NFKBIB: variants seen among roughly 807,000 people sequenced by gnomAD.
NFKBIB encodes NFKB inhibitor beta, also known as NF-kappa-B inhibitor beta.
A neutral mutation model predicts 32.1 loss-of-function variants in NFKBIB; 16 were observed. The observed-to-expected ratio is 0.50, with a 90% CI of 0.34 to 0.76. The LOEUF is 0.76. NFKBIB is among the 30% of genes least tolerant of loss of function. The probability of loss-of-function intolerance (pLI) is 0.01; values close to 1 mark genes in which losing one functional copy is unlikely to be tolerated. For synonymous variants in NFKBIB, 222 were observed against 219.5 expected (o/e 1.01, Z -0.10); for missense variants, 437 against 514.9 (o/e 0.85, Z 1.46).
rs1568414990 is a variant in NFKBIB at position 38,905,499 on chromosome 19, G to A, written c.583G>A (p.Asp195Asn). The A allele has an allele frequency of 3.7e-6, 6 of 1,612,694 alleles. No homozygotes were observed. Among genetic ancestry groups the A allele is most frequent in the Non-Finnish European group, 3.4e-6 (4 of 1,179,280 alleles). ...LEKEEEESEE[D>N]WKLQLEAENY... ...GAAGGAAGAAGAGGAGAGTGAGGAG[G>A]ACTGGAAGCTGCAGCTGGAGGCTGA... Residue 195 changes from aspartate (D) to asparagine (N), a missense_variant, in exon 3 of 6, where the codon GAC (aspartate) becomes AAC (asparagine). Asp to Asn is a conservative substitution (Grantham distance 23, BLOSUM62 1). Transcript: ENST00000313582. The surrounding 1 kb of genome is among the most constrained non-coding windows in gnomAD (Gnocchi z 5.5).
intron 5 of NFKBIB, chr19:38,908,204 G>A (rs1974208310): frequency 1.2e-5 from 12 of 993,662 alleles, no homozygotes; most frequent in Non-Finnish European, 1.4e-5. Context: ...CGAAACTCTG[G>A]AGTGGCGGCT....
intron 3 of NFKBIB, among the ~76,000 whole-genome samples, 161 bp from the exon 4 acceptor site, chr19:38,907,060 G>T (rs569065580): frequency 6.6e-6 from 1 of 152,326 alleles, no homozygotes; most frequent in Admixed American, 6.5e-5. Flanking sequence ...TCTGAGATAG[G>T]CATTTGGTAC....
At chr19:38,907,104 G>A (rs1195019852) in intron 3 of NFKBIB, 117 bp from the exon 4 acceptor site, 3 of 925,112 alleles carry the variant, frequency 3.2e-6, no homozygotes, top group Non-Finnish European at 1.6e-6. Context: ...AAGAATTCAG[G>A]AACCAGCCCC....
Position 38,905,101 on chromosome 19 carries a change from T to TAG in NFKBIB, c.266_267insAG (p.Gln90GlyfsTer5). ...TCGGCCGGCACTGAGTACATGGACC[T>TAG]GCAGAATGACCTAGGCCAGGTGAGC... On this transcript the variant is annotated frameshift_variant, in exon 2 of 6. Transcript: ENST00000313582. LOFTEE classifies it high-confidence loss of function. This position sits in a 1 kb window ranked among gnomAD's most constrained non-coding sequence, Gnocchi z 5.5. 6.2e-7 allele frequency: 1 copy of TAG among 1,614,200 alleles called. No homozygotes were observed. Among genetic ancestry groups the TAG allele is most frequent in the South Asian group, 1.1e-5 (1 of 91,088 alleles).
rs1239704420 is a variant in NFKBIB, at chr19:38,905,804, C to T, written c.619+269C>T. The stretch of plus-strand genomic sequence containing the variant: ...CCCAGAGCTGCCAGGATCCAGTTGT[C>T]GGGCCCCCGGGCTCCCCACCTGCAG... On this transcript the variant is annotated intron_variant, in intron 3 of 5. Transcript: ENST00000313582. This position sits in a 1 kb window ranked among gnomAD's most constrained non-coding sequence, Gnocchi z 5.5. Among the ~76,000 whole-genome samples the T allele has an allele frequency of 2.6e-5, 4 of 152,100 alleles. No individual in the cohort carries two copies. Among genetic ancestry groups the T allele is most frequent in the African/African-American group, 4.8e-5 (2 of 41,390 alleles).
rs1974178331 is a variant in NFKBIB, at chr19:38,907,585, C to T, written c.895C>T (p.Pro299Ser). The change falls in exon 5 of 6, where the codon CCT becomes TCT. Residue 299 changes from proline to serine, a missense_variant. By Grantham distance (74) the Pro-to-Ser change is moderately conservative. Coordinates refer to ENST00000313582, the MANE Select transcript of NFKBIB (RefSeq NM_002503.5). ...LARLLRAHGA[P>S]EPEGEDEKSG... ...CCGCCTCCTCCGTGCACACGGAGCC[C>T]CTGAGCCCGAGGGCGAGGACGAGAA... 1 of 1,612,432 alleles carries T rather than the reference C, an allele frequency of 6.2e-7. No homozygotes were observed. The highest frequency in any genetic ancestry group is 8.5e-7 in the Non-Finnish European group (1 of 1,179,656).
intron 3 of NFKBIB, 41 bp from the exon 4 acceptor site, chr19:38,907,180 G>C (rs781718659): frequency 2.0e-6 from 3 of 1,537,226 alleles, no homozygotes; most frequent in South Asian, 2.3e-5. Context: ...GGTGGGGGGG[G>C]CCCTCACCTC....
Position 38,908,177 on chromosome 19 carries a change from A to G in NFKBIB, c.969+518A>G, listed in dbSNP as rs1974206809. On this transcript the variant is annotated intron_variant, in intron 5 of 5. Coordinates refer to ENST00000313582, the MANE Select transcript of NFKBIB (RefSeq NM_002503.5). Reference sequence around the variant, plus strand: ...TAAAGGCAGAGGGAAGGGGTGGAGGAGGGCCAGCTCAGTTGCCGAAACTCT... The same window carrying G: ...TAAAGGCAGAGGGAAGGGGTGGAGGGGGGCCAGCTCAGTTGCCGAAACTCT... 1.4e-5 allele frequency: 14 copies of G among 994,162 alleles called. No individual in the cohort carries two copies. The South Asian group carries it at 5.0e-4, about 36-fold the overall frequency. 61.6% of individuals were successfully genotyped at this position (994,162 alleles called of 1,614,324 possible). A position where few individuals can be genotyped will look rare whatever the true frequency, so the allele number is the denominator to read the frequency against.
intron 1 of NFKBIB, 27 bp from the exon 2 acceptor site, chr19:38,904,988 C>T (rs1425014439): frequency 3.1e-6 from 5 of 1,601,436 alleles, no homozygotes; most frequent in East Asian, 2.2e-5. Context: ...TTGAACTTTG[C>T]CCTCTCACCC....
In NFKBIB at chr19:38,908,765, G is replaced by A. The variant is rs199895742; in HGVS notation, c.1004G>A (p.Arg335His). ...EYDDIVVHSS[R>H]SQTRLPPTPA... Reference sequence around the variant, plus strand: ...GACGACATTGTGGTTCACAGCAGCCGCAGCCAAACCCGGCTGCCTCCCACC... The same window carrying A: ...GACGACATTGTGGTTCACAGCAGCCACAGCCAAACCCGGCTGCCTCCCACC... Residue 335 changes from arginine to histidine, a missense_variant, in exon 6 of 6, where the codon CGC becomes CAC. By Grantham distance (29) the Arg-to-His change is conservative. Transcript: ENST00000313582. 6.8e-6 allele frequency: 11 copies of A among 1,613,576 alleles called. No individual in the cohort carries two copies. Among genetic ancestry groups the A allele is most frequent in the Middle Eastern group, 1.7e-4 (1 of 6,028 alleles).
chr19:38,908,167 G>A, intron 5 of NFKBIB: 2 of 995,950 alleles, frequency 2.0e-6, no homozygotes, highest in Non-Finnish European at 2.4e-6. Flanking sequence ...GCAGAGGGAA[G>A]GGGTGGAGGA....
At chr19:38,906,131 CTTTTTT>C (rs11300670) in intron 3 of NFKBIB, among the ~76,000 whole-genome samples, 4 of 97,374 alleles carry the variant, frequency 4.1e-5, no homozygotes, top group South Asian at 3.4e-4. Context: ...TACTTGGTAC[CTTTTTT>C]TTTTTTTTTT....
At position 38,900,152 on chromosome 19, in the gene NFKBIB, G is replaced by C; in HGVS notation, c.120G>C (p.Leu40Phe). The change falls in exon 1 of 6, where the codon TTG (leucine) becomes TTC (phenylalanine). Residue 40 changes from leucine (L) to phenylalanine (F), a missense_variant. Leu to Phe is a conservative substitution (Grantham distance 22). Coordinates refer to ENST00000313582, the MANE Select transcript of NFKBIB (RefSeq NM_002503.5). ...APGGPGLGAE[L>F]GPGLSWAPLV... ...GAGGACCTGGGTTGGGCGCGGAGTT[G>C]GGCCCGGGGCTGTCGTGGGCTCCCC... is the stretch of plus-strand genomic sequence containing the variant. The C allele has an allele frequency of 6.2e-7, 1 of 1,600,132 alleles. No homozygotes were observed. The highest frequency in any genetic ancestry group is 8.5e-7 in the Non-Finnish European group (1 of 1,175,576).
At chr19:38,901,177 T>C (rs12979755) in intron 1 of NFKBIB, among the ~76,000 whole-genome samples, 93,501 of 152,070 alleles carry the variant, frequency 0.61, 29,539 homozygotes, top group East Asian at 0.96. Flanking sequence ...CAGGGCCTGA[T>C]CCAGGAGGCA....
At chr19:38,903,017 T>A (rs968935861) in intron 1 of NFKBIB, among the ~76,000 whole-genome samples, 1 of 151,764 alleles carries the variant, frequency 6.6e-6, no homozygotes, top group African/African-American at 2.4e-5. Context: ...TGCAGTGAGC[T>A]GAGATCACGC....
intron 1 of NFKBIB, among the ~76,000 whole-genome samples, chr19:38,902,686 A>G (rs554193184): frequency 3.3e-5 from 5 of 152,372 alleles, no homozygotes; most frequent in African/African-American, 1.2e-4. Flanking sequence ...TTCAAGCTCC[A>G]TAAATAAAGT....
intron 1 of NFKBIB, among the ~76,000 whole-genome samples, chr19:38,902,037 C>CT (rs555163877): frequency 1.4e-5 from 2 of 146,260 alleles, no homozygotes; most frequent in African/African-American, 2.5e-5. Flanking sequence ...GTTTTTGTTA[C>CT]TTTTTTTTCA....
At chr19:38,904,662 T>C (rs1267887412) in intron 1 of NFKBIB, among the ~76,000 whole-genome samples, 1 of 152,186 alleles carries the variant, frequency 6.6e-6, no homozygotes, top group Non-Finnish European at 1.5e-5. Flanking sequence ...ACCTCGTGTT[T>C]CCTGTCTTTC....
At chr19:38,899,734 A>C (rs1973873676), upstream of NFKBIB, 4 of 755,364 alleles carry the variant, frequency 5.3e-6, no homozygotes, top group South Asian at 6.4e-5. Context: ...AGAGCGCCCC[A>C]GTTAGGTAAG....
Sources: allele counts gnomAD v4.1 joint callset (sites outside exome capture counted in the v4.1 genomes callset), GRCh38; gene constraint gnomAD v4.1.1; non-coding constraint Gnocchi (gnomAD v3.1); transcripts MANE v1.5; gene names NCBI Gene and HGNC (gene_info 2026-07-23, HGNC 2026-07-21).